Variants in ANO3 observed in about 807,000 individuals in gnomAD.
ANO3 encodes the protein anoctamin-3.
In ANO3, 99 loss-of-function variants were observed where a neutral mutation model predicts 144.8. That is an observed-to-expected ratio of 0.68 (90% confidence interval 0.58 to 0.81). ANO3 has a LOEUF of 0.81. Among genes scored for constraint, ANO3 ranks in the 30% least tolerant of loss-of-function variants. ANO3 has a pLI of 0.00. For missense variants in ANO3, 905 were observed against 1,202.2 expected (o/e 0.75, Z 3.66); for synonymous variants, 414 against 392.6 (o/e 1.05, Z -0.64).
chr11:26,384,394 A>C lies in ANO3; in HGVS notation c.46+52073A>C, dbSNP rs1856668728. Among the ~76,000 whole-genome samples the C allele has an allele frequency of 1.3e-5, 2 of 152,206 alleles. 1 individual carries two copies. Among genetic ancestry groups the C allele is most frequent in the South Asian group, 4.1e-4 (2 of 4,830 alleles). On this transcript the variant is annotated intron_variant, in intron 1 of 26. Transcript: ENST00000256737. ...ACAAAAAGCTGACAGTACATGGAGA[A>C]GTCTGCAAGAATCATACCTATTAGC...
At chr11:26,647,036 G>C (rs1350670899) in intron 23 of ANO3, among the ~76,000 whole-genome samples, 2 of 152,086 alleles carry the variant, frequency 1.3e-5, no homozygotes, top group Non-Finnish European at 2.9e-5. Context: ...TAGTGCTGTA[G>C]AGCATTTTTT....
chr11:26,482,698 T>A (rs950424175), intron 4 of ANO3, among the ~76,000 whole-genome samples: 13 of 152,204 alleles, frequency 8.5e-5, no homozygotes, highest in African/African-American at 3.1e-4. Flanking sequence ...GCTATTAGTG[T>A]ATCCATGACC....
chr11:26,604,289 G>C (rs764153109), intron 17 of ANO3, among the ~76,000 whole-genome samples: 4 of 152,176 alleles, frequency 2.6e-5, no homozygotes, highest in South Asian at 2.1e-4. Flanking sequence ...TTTGATACTA[G>C]TACCATGCTG....
At chr11:26,407,715 T>G (rs1857325226) in intron 1 of ANO3, among the ~76,000 whole-genome samples, 1 of 151,882 alleles carries the variant, frequency 6.6e-6, no homozygotes, top group South Asian at 2.1e-4. Flanking sequence ...AATCTTGCAA[T>G]GGCTCTCCGT....
intron 23 of ANO3, 41 bp downstream of exon 23, chr11:26,643,375 C>G: frequency 6.2e-7 from 1 of 1,607,606 alleles, no homozygotes; most frequent in East Asian, 2.2e-5. Flanking sequence ...TTGCTAACAC[C>G]AATAGGTTGC....
chr11:26,289,255 A>G (rs1057328278), intron 1 of ANO3, among the ~76,000 whole-genome samples: 1 of 152,020 alleles, frequency 6.6e-6, no homozygotes, highest in African/African-American at 2.4e-5. Context: ...TGTCCTGGGA[A>G]CACCAGACAT....
intron 4 of ANO3, among the ~76,000 whole-genome samples, chr11:26,491,075 C>T (rs969869106): frequency 1.6e-4 from 24 of 152,084 alleles, no homozygotes. Flanking sequence ...GACTAAATGC[C>T]CACAGCTGTT....
At chr11:26,306,019 C>G (rs1303645224), upstream of ANO3, among the ~76,000 whole-genome samples, 1 of 151,986 alleles carries the variant, frequency 6.6e-6, no homozygotes, top group South Asian at 2.1e-4. Flanking sequence ...AGTGCAGTGG[C>G]GCGATCTCGG....
chr11:26,266,631 G>C (rs543104301), intron 1 of ANO3, among the ~76,000 whole-genome samples: 61 of 151,514 alleles, frequency 4.0e-4, no homozygotes, highest in African/African-American at 1.4e-3. Context: ...GACAGGAGTT[G>C]ACCATATTGA....
At chr11:26,407,066 G>GTATA (rs1293298817) in intron 1 of ANO3, among the ~76,000 whole-genome samples, 32 of 57,246 alleles carry the variant, frequency 5.6e-4, no homozygotes, top group East Asian at 1.6e-3. Flanking sequence ...GTGTGTGTGT[G>GTATA]TGTGTGTGTG....
At chr11:26,593,654 G>A (rs1851519805) in intron 14 of ANO3, among the ~76,000 whole-genome samples, 1 of 152,216 alleles carries the variant, frequency 6.6e-6, no homozygotes, top group Non-Finnish European at 1.5e-5. Flanking sequence ...CCCTGGGGAA[G>A]TGGGCCTTCC....
At chr11:26,631,757 A>G (rs1440026757) in intron 18 of ANO3, among the ~76,000 whole-genome samples, 1 of 152,230 alleles carries the variant, frequency 6.6e-6, no homozygotes, top group African/African-American at 2.4e-5. Context: ...ACTGCATACT[A>G]GTAAATGAAC....
chr11:26,635,143 T>C (rs1852910761), intron 20 of ANO3, 73 bp downstream of exon 20: 4 of 1,373,948 alleles, frequency 2.9e-6, no homozygotes, highest in Admixed American at 3.4e-5. Flanking sequence ...GGAAGGGAGC[T>C]GAAGAAAGGA....
intron 1 of ANO3, among the ~76,000 whole-genome samples, chr11:26,263,262 T>G (rs953433112): frequency 1.3e-5 from 2 of 152,208 alleles, no homozygotes; most frequent in Non-Finnish European, 2.9e-5. Flanking sequence ...AATTAACCAG[T>G]CTTTCTTGCC....
chr11:26,462,894 A>G (rs911700310), intron 3 of ANO3, 136 bp from the exon 4 acceptor site: 11 of 424,576 alleles, frequency 2.6e-5, no homozygotes, highest in African/African-American at 2.3e-4. Flanking sequence ...AAATTATGCC[A>G]CACAAATTTT....
At chr11:26,189,200 G>A (rs1851429424) in exon 1 of ANO3, 3 of 985,062 alleles carry the variant, frequency 3.0e-6, no homozygotes, top group Non-Finnish European at 3.6e-6. Context: ...AATTTGAACT[G>A]GATAATTTTT....
At chr11:26,406,640 A>C (rs1857283220) in intron 1 of ANO3, among the ~76,000 whole-genome samples, 2 of 150,412 alleles carry the variant, frequency 1.3e-5, no homozygotes, top group African/African-American at 4.9e-5. Flanking sequence ...TAAACCATTA[A>C]GGCAGCCCAG....
chr11:26,453,860 C>T (rs562288022), intron 3 of ANO3, among the ~76,000 whole-genome samples: 1 of 152,106 alleles, frequency 6.6e-6, no homozygotes, highest in African/African-American at 2.4e-5. Flanking sequence ...TATAAAAGAA[C>T]AGAAATTATA....
intron 1 of ANO3, among the ~76,000 whole-genome samples, chr11:26,413,537 T>A (rs537247652): frequency 1.2e-4 from 18 of 152,212 alleles, no homozygotes; most frequent in African/African-American, 4.3e-4. Flanking sequence ...ATAATTTTTG[T>A]CTATTTTAAT....
Sources: allele counts gnomAD v4.1 joint callset (sites outside exome capture counted in the v4.1 genomes callset), GRCh38; gene constraint gnomAD v4.1.1; transcripts MANE v1.5; gene names NCBI Gene and HGNC (gene_info 2026-07-23, HGNC 2026-07-21).